Variants in MDGA2 observed in about 807,000 individuals in gnomAD.
The protein encoded by MDGA2 is MAM domain-containing glycosylphosphatidylinositol anchor protein 2.
A neutral mutation model predicts 117.8 loss-of-function variants in MDGA2; 40 were observed. The observed-to-expected ratio is 0.34, with a 90% CI of 0.26 to 0.44. The LOEUF (loss-of-function observed/expected upper bound fraction) is 0.44. MDGA2 is among the 20% of genes least tolerant of loss of function. The pLI, the probability that MDGA2 is intolerant of heterozygous loss-of-function variation, is 1.00. For synonymous variants in MDGA2, 452 were observed against 439.0 expected, an observed-to-expected ratio of 1.03 and a Z score of -0.37; for missense variants, 1,123 against 1,250.6, an observed-to-expected ratio of 0.90 and a Z score of 1.54.
chr14:47,049,517 ATTG>A (rs1162180267), intron 7 of MDGA2, among the ~76,000 whole-genome samples: 3 of 151,892 alleles, frequency 2.0e-5, no homozygotes, highest in South Asian at 2.1e-4. Context: ...TGTATTTTTA[ATTG>A]TTTTTTCTTC....
chr14:47,388,208 TG>T (rs1891804012), intron 1 of MDGA2, among the ~76,000 whole-genome samples: 1 of 152,222 alleles, frequency 6.6e-6, no homozygotes, highest in Non-Finnish European at 1.5e-5. Flanking sequence ...ATCCTAGGTA[TG>T]GAGGCATAAA....
At chr14:47,402,920 TCTC>T (rs1363023982) in intron 1 of MDGA2, among the ~76,000 whole-genome samples, 1 of 152,142 alleles carries the variant, frequency 6.6e-6, no homozygotes, top group African/African-American at 2.4e-5. Flanking sequence ...ATCTGTGAAT[TCTC>T]CACCTTTTCA....
intron 3 of MDGA2, among the ~76,000 whole-genome samples, chr14:47,206,179 A>G (rs1369352767): frequency 6.6e-6 from 1 of 152,074 alleles, no homozygotes; most frequent in East Asian, 1.9e-4. Context: ...CATAATATAC[A>G]TATGGACAAA....
intron 3 of MDGA2, among the ~76,000 whole-genome samples, chr14:47,183,543 T>A (rs1884793317): frequency 6.6e-6 from 1 of 152,156 alleles, no homozygotes; most frequent in African/African-American, 2.4e-5. Flanking sequence ...CTCTTTCATT[T>A]TAGTGTGCTC....
At chr14:47,540,563 T>TATATACATATACATACAC (rs370481455) in intron 1 of MDGA2, among the ~76,000 whole-genome samples, 3 of 112,520 alleles carry the variant, frequency 2.7e-5, no homozygotes, top group African/African-American at 8.8e-5. Flanking sequence ...TGTATATATA[T>TATATACATATACATACAC]ACACACACAC....
intron 4 of MDGA2, among the ~76,000 whole-genome samples, chr14:47,139,783 AAT>A (rs1343155498): frequency 4.1e-5 from 5 of 123,350 alleles, no homozygotes; most frequent in African/African-American, 9.4e-5. Flanking sequence ...TATACACACA[AAT>A]ATATATGTGT....
chr14:47,218,244 G>A, intron 2 of MDGA2, 49 bp from the exon 3 acceptor site: 3 of 1,431,444 alleles, frequency 2.1e-6, no homozygotes, highest in Admixed American at 2.5e-5. Flanking sequence ...TTTTCCCACA[G>A]AGAAATCAAA....
chr14:47,380,795 G>T (rs1282159017), intron 1 of MDGA2, among the ~76,000 whole-genome samples: 1 of 151,908 alleles, frequency 6.6e-6, no homozygotes, highest in Non-Finnish European at 1.5e-5. Context: ...AGCAGGAGCT[G>T]GCACCATTCC....
chr14:46,875,927 G>C (rs549685273), intron 12 of MDGA2, among the ~76,000 whole-genome samples: 1 of 150,442 alleles, frequency 6.6e-6, no homozygotes, highest in Admixed American at 6.6e-5. Flanking sequence ...CCTTTTTTTC[G>C]TAATTTAAAC....
chr14:47,530,584 CAT>C (rs1895077598), intron 1 of MDGA2, among the ~76,000 whole-genome samples: 1 of 152,136 alleles, frequency 6.6e-6, no homozygotes, highest in African/African-American at 2.4e-5. Flanking sequence ...AACTTACCCC[CAT>C]CCTCACTAAA....
intron 11 of MDGA2, 32 bp downstream of exon 11, chr14:46,882,012 A>G: frequency 7.1e-7 from 1 of 1,414,730 alleles, no homozygotes; most frequent in South Asian, 1.7e-5. Flanking sequence ...TTAAATATAT[A>G]AATAAATAAT....
chr14:46,871,628 C>T (rs1882002122), intron 14 of MDGA2: 1 of 153,284 alleles, frequency 6.5e-6, no homozygotes. Flanking sequence ...TCAAAGTAAC[C>T]TAAGATTATG....
chr14:47,041,448 GAA>G (rs527379406), intron 7 of MDGA2, among the ~76,000 whole-genome samples: 33 of 152,126 alleles, frequency 2.2e-4, no homozygotes, highest in African/African-American at 7.7e-4. Flanking sequence ...GTACTTGCTA[GAA>G]AAAGTCACTC....
intron 8 of MDGA2, among the ~76,000 whole-genome samples, chr14:47,034,374 T>C (rs1888765618): frequency 1.3e-5 from 2 of 152,060 alleles, no homozygotes; most frequent in Non-Finnish European, 2.9e-5. Context: ...ATGTATCTTA[T>C]TCAATTCTCA....
intron 3 of MDGA2, among the ~76,000 whole-genome samples, chr14:47,195,434 T>C (rs1486503864): frequency 6.6e-6 from 1 of 152,018 alleles, no homozygotes; most frequent in African/African-American, 2.4e-5. Context: ...CTACTACATC[T>C]CAATGCAGGG....
chr14:46,898,474 C>A (rs1052615052), intron 10 of MDGA2, among the ~76,000 whole-genome samples: 1 of 151,884 alleles, frequency 6.6e-6, no homozygotes, highest in Non-Finnish European at 1.5e-5. Context: ...AAGAGGAGGA[C>A]AATGTTTGAG....
intron 9 of MDGA2, among the ~76,000 whole-genome samples, chr14:46,922,069 C>T (rs1266787383): frequency 6.6e-6 from 1 of 151,590 alleles, no homozygotes; most frequent in Non-Finnish European, 1.5e-5. Context: ...AATACAGGGA[C>T]AACTAGGGGT....
At chr14:47,562,361 G>GAGTT (rs1483989827) in intron 1 of MDGA2, among the ~76,000 whole-genome samples, 2 of 151,796 alleles carry the variant, frequency 1.3e-5, no homozygotes, top group Non-Finnish European at 2.9e-5. Context: ...CTTGTCCTGG[G>GAGTT]AGTTTGTTTG....
At chr14:47,391,454 G>A (rs1206901087) in intron 1 of MDGA2, among the ~76,000 whole-genome samples, 3 of 152,162 alleles carry the variant, frequency 2.0e-5, no homozygotes, top group African/African-American at 4.8e-5. Context: ...AGGTTTGAGG[G>A]AGTGAAAGTC....
Sources: gnomAD v4.1 joint callset for allele counts (sites outside exome capture counted in the v4.1 genomes callset) on GRCh38, gnomAD v4.1.1 for gene constraint, MANE v1.5 for transcripts, NCBI Gene and HGNC (gene_info 2026-07-23, HGNC 2026-07-21) for gene names.